Variants in PLEKHG1 observed in about 807,000 individuals in gnomAD.
The protein encoded by PLEKHG1 is pleckstrin homology domain-containing family G member 1.
Under a neutral mutation model 100.8 loss-of-function variants are expected in PLEKHG1, and 44 were observed. That is an observed-to-expected ratio of 0.44 (90% CI 0.34 to 0.56). The LOEUF (loss-of-function observed/expected upper bound fraction) is 0.56. Among genes scored for constraint, PLEKHG1 ranks in the 20% least tolerant of loss-of-function variants. The pLI, the probability that PLEKHG1 is intolerant of heterozygous loss-of-function variation, is 0.01. For synonymous variants in PLEKHG1, 640 were observed against 662.5 expected (o/e 0.97, Z 0.52); for missense variants, 1,545 against 1,720.9 (o/e 0.90, Z 1.81).
intron 4 of PLEKHG1, among the ~76,000 whole-genome samples, chr6:150,793,602 T>G (rs890701466): frequency 4.6e-5 from 7 of 152,218 alleles, no homozygotes; most frequent in Non-Finnish European, 7.3e-5. Context: ...TACCAATGGT[T>G]GTTAGCATCA....
At chr6:150,766,990 A>G (rs1332782864) in intron 2 of PLEKHG1, among the ~76,000 whole-genome samples, 1 of 149,268 alleles carries the variant, frequency 6.7e-6, no homozygotes, top group African/African-American at 2.5e-5. Context: ...TTACCTTCTT[A>G]ATTTTGTGTA....
chr6:150,755,911 T>G (rs1783812319), intron 2 of PLEKHG1, among the ~76,000 whole-genome samples: 2 of 152,266 alleles, frequency 1.3e-5, no homozygotes, highest in African/African-American at 4.8e-5. Context: ...AAAAAATTTA[T>G]TTTTTTCCAT....
chr6:150,751,547 T>C (rs1423464389), intron 2 of PLEKHG1, among the ~76,000 whole-genome samples: 1 of 152,204 alleles, frequency 6.6e-6, no homozygotes, highest in East Asian at 1.9e-4. Context: ...AAAATAGATA[T>C]TTCAAATGCC....
At position 150,730,592 on chromosome 6, in the gene PLEKHG1, G is replaced by A. The variant is rs116041781; in HGVS notation, c.-98-2992G>A. Among the ~76,000 whole-genome samples, 1,077 of 152,116 alleles carry A rather than the reference G, an allele frequency of 7.1e-3. 14 individuals carry two copies. The highest frequency in any genetic ancestry group is 0.025 in the African/African-American group (1,023 of 41,508). The stretch of plus-strand genomic sequence containing the variant: ...TCCTGACAGGCCGTGGACCGGTACC[G>A]CACCCCTGTTATAGAGAATATCCAA... On this transcript the variant is annotated intron_variant, in intron 1 of 15. Coordinates refer to ENST00000358517, the Ensembl canonical transcript of PLEKHG1.
chr6:150,638,697 G>T (rs1007126652), intron 2 of PLEKHG1, among the ~76,000 whole-genome samples: 2 of 152,094 alleles, frequency 1.3e-5, no homozygotes, highest in South Asian at 2.1e-4. Flanking sequence ...TTACATTTCT[G>T]CCTCTTACCT....
intron 3 of PLEKHG1, among the ~76,000 whole-genome samples, chr6:150,709,787 T>TTGTTGGATGG (rs1336113984): frequency 6.6e-6 from 1 of 152,030 alleles, no homozygotes; most frequent in Non-Finnish European, 1.5e-5. Flanking sequence ...GTGTTTTCGT[T>TTGTTGGATGG]TGTTTGTTTG....
rs534753918 is a variant in PLEKHG1 at position 150,823,493 on chromosome 6, A to T, written c.1448-161A>T. ...TAGTGTGGGGGTATGCAGCTGGGAGAGCTGACAGGGATTTTCTGAAAATTA... is the reference window on the plus strand; with the variant it reads ...TAGTGTGGGGGTATGCAGCTGGGAGTGCTGACAGGGATTTTCTGAAAATTA... On this transcript the variant is annotated intron_variant, in intron 13 of 15. Coordinates refer to ENST00000358517, the Ensembl canonical transcript of PLEKHG1. Among the ~76,000 whole-genome samples, 5 of 152,226 alleles carry T rather than the reference A, an allele frequency of 3.3e-5. No individual in the cohort carries two copies. In the East Asian group the frequency reaches 9.7e-4, roughly 29 times the overall value.
At chr6:150,641,219 T>C (rs933483021) in intron 2 of PLEKHG1, among the ~76,000 whole-genome samples, 12 of 152,180 alleles carry the variant, frequency 7.9e-5, no homozygotes, top group African/African-American at 2.7e-4. Flanking sequence ...TACATATCTA[T>C]ATTCTAAATA....
In PLEKHG1 at chr6:150,683,192, G is replaced by A. The variant is rs543885728; in HGVS notation, c.-99+32406G>A. ...CCTCTGTAGAGGGCAGATGGGGACA[G>A]TATTTATATTTATGAAATTTAGAGA... On this transcript the variant is annotated intron_variant, in intron 3 of 3. Coordinates refer to the PLEKHG1 transcript ENST00000367326. The surrounding 1 kb of genome is among the most constrained non-coding windows in gnomAD (Gnocchi z 4.0). 6.6e-6 allele frequency among the ~76,000 whole-genome samples: 1 copy of A among 152,318 alleles called. No homozygotes were observed. The highest frequency in any genetic ancestry group is 1.9e-4 in the East Asian group (1 of 5,178).
intron 2 of PLEKHG1, among the ~76,000 whole-genome samples, chr6:150,758,676 A>C (rs1476444274): frequency 1.3e-5 from 2 of 152,192 alleles, no homozygotes; most frequent in African/African-American, 4.8e-5. Context: ...ACTAAGCATG[A>C]GATGGTATCT....
chr6:150,670,932 C>T lies in PLEKHG1; in HGVS notation c.-99+20146C>T, dbSNP rs949496805. ...CCATTGTATCATTCTTATGCCTTTG[C>T]GTCCTCATAGCTGAGTTCCCACATA... On this transcript the variant is annotated intron_variant, in intron 3 of 3. Transcript: ENST00000367326. Among the ~76,000 whole-genome samples, 7 of 149,336 alleles carry T rather than the reference C, an allele frequency of 4.7e-5. No homozygotes were observed. In the East Asian group the frequency reaches 1.0e-3, roughly 21 times the overall value.
intron 10 of PLEKHG1, among the ~76,000 whole-genome samples, chr6:150,816,437 C>A (rs1775964755): frequency 7.3e-6 from 1 of 136,712 alleles, no homozygotes; most frequent in South Asian, 2.5e-4. Context: ...AAGCAATTCT[C>A]CTGCCTCAGC....
chr6:150,811,330 T>G (rs536656047), intron 10 of PLEKHG1, among the ~76,000 whole-genome samples: 6 of 151,330 alleles, frequency 4.0e-5, no homozygotes, highest in Non-Finnish European at 8.8e-5. Context: ...AGCACAGTGG[T>G]GCAAACATGG....
At chr6:150,769,174 T>C (rs1351898498) in intron 3 of PLEKHG1, among the ~76,000 whole-genome samples, 2 of 152,180 alleles carry the variant, frequency 1.3e-5, no homozygotes, top group Non-Finnish European at 2.9e-5. Context: ...TTGATAATTT[T>C]AAATAATCAG....
intron 2 of PLEKHG1, among the ~76,000 whole-genome samples, chr6:150,744,812 A>G (rs1033450417): frequency 1.3e-5 from 2 of 152,202 alleles, no homozygotes; most frequent in African/African-American, 2.4e-5. Context: ...TGGGACAAAT[A>G]GTTGAGTCAG....
Position 150,786,352 on chromosome 6 carries a change from T to C in PLEKHG1, c.513-38T>C. On this transcript the variant is annotated intron_variant, in intron 3 of 15. Coordinates refer to ENST00000358517, the Ensembl canonical transcript of PLEKHG1. ...TACAAAATGTACTCACCCAGAAGAC[T>C]ACAATCTAATACTTCCTGGCTGTTA... 2.2e-6 allele frequency: 3 copies of C among 1,365,038 alleles called. No individual in the cohort carries two copies. The South Asian group carries it at 3.5e-5, about 16-fold the overall frequency. The allele number at this position is 1,365,038 out of a possible 1,614,324, so 84.6% of individuals were successfully genotyped here.
Position 150,634,261 on chromosome 6 carries a change from A to AG in PLEKHG1, c.-203-3819_-203-3818insG, listed in dbSNP as rs1397223555. Among the ~76,000 whole-genome samples the AG allele has an allele frequency of 7.3e-5, 11 of 150,782 alleles. No homozygotes were observed. The East Asian group carries it at 1.7e-3, about 24-fold the overall frequency. On this transcript the variant is annotated intron_variant, in intron 1 of 3. Coordinates refer to the PLEKHG1 transcript ENST00000367326. ...CTCGATCTCCCCCCCAAAAAAAAAA[A>AG]AGAAAAAAAGAGGAAGAAGAAAAAA...
intron 13 of PLEKHG1, among the ~76,000 whole-genome samples, chr6:150,822,796 ATG>A (rs1176000272): frequency 6.6e-6 from 1 of 152,182 alleles, no homozygotes; most frequent in Non-Finnish European, 1.5e-5. Context: ...CCTGGCCAAC[ATG>A]GCAAGATCCC....
At chr6:150,727,254 T>C (rs551806439) in intron 1 of PLEKHG1, among the ~76,000 whole-genome samples, 4 of 152,330 alleles carry the variant, frequency 2.6e-5, no homozygotes, top group African/African-American at 7.2e-5. Context: ...GTGAGTAGAA[T>C]TTCTGTCTTG....
Sources: gnomAD v4.1 joint callset for allele counts (sites outside exome capture counted in the v4.1 genomes callset) on GRCh38, gnomAD v4.1.1 for gene constraint, Gnocchi (gnomAD v3.1) non-coding constraint, MANE v1.5 for transcripts, NCBI Gene and HGNC (gene_info 2026-07-23, HGNC 2026-07-21) for gene names.